The following JAM3 variants were observed in gnomAD, a reference collection of about 807,000 sequenced individuals.
JAM3 encodes junctional adhesion molecule 3, also known as junctional adhesion molecule C.
JAM3 carries 31 observed loss-of-function variants against 39.4 expected under a neutral mutation model. The observed-to-expected ratio is 0.79, with a 90% CI of 0.59 to 1.06. The LOEUF (loss-of-function observed/expected upper bound fraction) is 1.06, where lower values mean the gene tolerates loss of function less well. Among genes scored for constraint, JAM3 ranks in the 50% least tolerant of loss-of-function variants. The pLI is 0.00. For missense variants in JAM3, 455 were observed against 391.4 expected (o/e 1.16, Z -1.37); for synonymous variants, 182 against 148.7 (o/e 1.22, Z -1.63).
chr11:134,092,395 A>G (rs1242277157), intron 1 of JAM3, among the ~76,000 whole-genome samples: 2 of 38,992 alleles, frequency 5.1e-5, no homozygotes, highest in East Asian at 9.3e-4. Context: ...CTTCTCCTGA[A>G]CCCTCCTTAT....
chr11:134,116,288 C>T (rs1301169274), intron 1 of JAM3, among the ~76,000 whole-genome samples: 2 of 152,260 alleles, frequency 1.3e-5, no homozygotes, highest in East Asian at 3.9e-4. Context: ...TGGATGTTCC[C>T]TATAGCAGTT....
chr11:134,133,417 G>A (rs144571397), intron 1 of JAM3, among the ~76,000 whole-genome samples: 87 of 152,242 alleles, frequency 5.7e-4, no homozygotes, highest in African/African-American at 1.9e-3. Flanking sequence ...TGAATATGCT[G>A]TCAGCTATAG....
intron 3 of JAM3, among the ~76,000 whole-genome samples, chr11:134,143,913 T>C (rs1490284886): frequency 6.6e-6 from 1 of 152,202 alleles, no homozygotes; most frequent in Non-Finnish European, 1.5e-5. Flanking sequence ...ACATTGGTTG[T>C]TTTTCTAGTG....
intron 1 of JAM3, among the ~76,000 whole-genome samples, chr11:134,110,583 A>G (rs1381972593): frequency 6.6e-6 from 1 of 152,202 alleles, no homozygotes; most frequent in Non-Finnish European, 1.5e-5. Context: ...TTAAAATTCT[A>G]GGAAATCCAA....
chr11:134,070,205 C>T (rs11223680), intron 1 of JAM3: 3 of 456,146 alleles, frequency 6.6e-6, no homozygotes, highest in Admixed American at 2.3e-5. Context: ...AGGCTGCATT[C>T]TAAGTAGTGA....
intron 3 of JAM3, 90 bp downstream of exon 3, chr11:134,140,860 G>C (rs532237402): frequency 6.0e-6 from 9 of 1,502,450 alleles, no homozygotes; most frequent in African/African-American, 5.6e-5. Flanking sequence ...CCTCAGACTG[G>C]TAACCTGCAT....
chr11:134,090,104 C>T (rs1282784874), intron 1 of JAM3, among the ~76,000 whole-genome samples: 2 of 152,178 alleles, frequency 1.3e-5, no homozygotes, highest in African/African-American at 4.8e-5. Context: ...GCATAAATGT[C>T]TTCTTTTGAG....
chr11:134,124,966 A>T (rs1942616189), intron 1 of JAM3, among the ~76,000 whole-genome samples: 1 of 152,184 alleles, frequency 6.6e-6, no homozygotes, highest in South Asian at 2.1e-4. Flanking sequence ...CCCTCTCCTC[A>T]GTTACCTCTG....
intron 4 of JAM3, 48 bp downstream of exon 4, chr11:134,144,441 G>T: frequency 1.9e-6 from 3 of 1,603,032 alleles, no homozygotes; most frequent in Non-Finnish European, 1.7e-6. Context: ...GGATGCAAGA[G>T]ATCAGTTAGT....
At chr11:134,142,808 T>C (rs1379009903) in intron 3 of JAM3, among the ~76,000 whole-genome samples, 1 of 152,100 alleles carries the variant, frequency 6.6e-6, no homozygotes, top group East Asian at 1.9e-4. Context: ...CTGATTCCAC[T>C]TTCTGTCTCT....
At chr11:134,103,312 TGA>T (rs1189941227) in intron 1 of JAM3, among the ~76,000 whole-genome samples, 2 of 151,896 alleles carry the variant, frequency 1.3e-5, no homozygotes, top group Admixed American at 6.6e-5. Context: ...AAGCAAATGC[TGA>T]GAGATTTTGT....
Position 134,149,281 on chromosome 11 carries a change from A to C in JAM3, c.*100A>C. ...AGAGCTGATGCACTCGGACAGAGCT[A>C]GACACTCATTCAGAAGCTTTTCGTT... On this transcript the variant is annotated 3_prime_UTR_variant, in exon 9 of 9. Transcript: ENST00000299106. The C allele has an allele frequency of 7.1e-7, 1 of 1,410,794 alleles. No homozygotes were observed. Among genetic ancestry groups the C allele is most frequent in the African/African-American group, 1.4e-5 (1 of 71,100 alleles). The allele number at this position is 1,410,794 out of a possible 1,614,324, so 87.4% of individuals were successfully genotyped here.
chr11:134,122,826 A>G (rs1009934240), intron 1 of JAM3, among the ~76,000 whole-genome samples: 80 of 152,242 alleles, frequency 5.3e-4, no homozygotes, highest in African/African-American at 1.8e-3. Context: ...AGCTACCAGC[A>G]TTCTCTGATA....
At chr11:134,124,383 AATC>A (rs1348642825) in intron 1 of JAM3, 3 of 632,690 alleles carry the variant, frequency 4.7e-6, no homozygotes, top group African/African-American at 1.8e-5. Context: ...AAGTGAAAGA[AATC>A]AATAAATCAA....
intron 3 of JAM3, 109 bp from the exon 4 acceptor site, chr11:134,144,132 C>A: frequency 3.0e-6 from 3 of 1,009,718 alleles, no homozygotes; most frequent in South Asian, 2.6e-5. Flanking sequence ...AAATATTGAT[C>A]TGCAGGCTTC....
At chr11:134,134,121 A>C (rs545703992) in intron 1 of JAM3, among the ~76,000 whole-genome samples, 42 of 152,252 alleles carry the variant, frequency 2.8e-4, no homozygotes, top group Admixed American at 5.9e-4. Context: ...AGAAACGAAA[A>C]ATGTTTTTGA....
intron 1 of JAM3, among the ~76,000 whole-genome samples, chr11:134,108,086 A>T (rs1229162473): frequency 1.3e-5 from 2 of 152,080 alleles, no homozygotes; most frequent in East Asian, 1.9e-4. Flanking sequence ...AGAGAAAAGA[A>T]ACAAGTTAAC....
intron 1 of JAM3, among the ~76,000 whole-genome samples, chr11:134,089,864 G>C (rs1941813238): frequency 6.6e-6 from 1 of 152,150 alleles, no homozygotes; most frequent in Non-Finnish European, 1.5e-5. Context: ...TCTAGTTCTA[G>C]ATCCCTGAGG....
Position 134,118,499 on chromosome 11 carries a change from A to G in JAM3, c.77-21352A>G, listed in dbSNP as rs141923411. On this transcript the variant is annotated intron_variant, in intron 1 of 8. Coordinates refer to ENST00000299106, the MANE Select transcript of JAM3 (RefSeq NM_032801.5). ...ACTGGGAAGTCATTGCACCACTACA[A>G]TGGAAGTGGTGCTGTCCTTCAGGCT... is the stretch of plus-strand genomic sequence containing the variant. Among the ~76,000 whole-genome samples, 119 of 152,130 alleles carry G rather than the reference A, an allele frequency of 7.8e-4. 1 individual carries two copies. The highest frequency in any genetic ancestry group is 3.4e-3 in the Middle Eastern group (1 of 294).
Sources: allele counts gnomAD v4.1 joint callset (sites outside exome capture counted in the v4.1 genomes callset), GRCh38; gene constraint gnomAD v4.1.1; transcripts MANE v1.5; gene names NCBI Gene and HGNC (gene_info 2026-07-23, HGNC 2026-07-21).